The following BMPER variants were observed in gnomAD, a reference collection of about 807,000 sequenced individuals.
The protein encoded by BMPER is BMP binding endothelial regulator.
In BMPER, 45 loss-of-function variants were observed where a neutral mutation model predicts 87.3. The ratio of observed to expected loss-of-function variants is 0.52; its 90% CI spans 0.41 to 0.66. The LOEUF is 0.66. BMPER is among the 30% of genes least tolerant of loss of function. The pLI is 0.00. For missense variants in BMPER, 784 were observed against 867.5 expected (o/e 0.90, Z 1.21); for synonymous variants, 326 against 316.2 (o/e 1.03, Z -0.33).
In BMPER at chr7:34,143,322, G is replaced by A; in HGVS notation, c.1838G>A (p.Gly613Asp). 7 of 1,614,044 alleles carry A rather than the reference G, an allele frequency of 4.3e-6. No homozygotes were observed. The highest frequency in any genetic ancestry group is 5.1e-6 in the Non-Finnish European group (6 of 1,179,944). ...LAYTRACQRE[G>D]IKVHWEPQQN... ...TATACCCGGGCCTGCCAGAGAGAGG[G>A]CATCAAAGTCCACTGGGAGCCTCAG... Residue 613 changes from glycine to aspartate, a missense_variant, in exon 14 of 15, where the codon GGC becomes GAC. Transcript: ENST00000649409.
chr7:34,029,391 C>T (rs1787466067), intron 6 of BMPER, among the ~76,000 whole-genome samples: 1 of 152,076 alleles, frequency 6.6e-6, no homozygotes, highest in South Asian at 2.1e-4. Context: ...TCAGCAATCT[C>T]CACCCCTGCC....
rs542450607 is a variant in BMPER at position 33,905,761 on chromosome 7, G to A, written c.133+15G>A. The A allele has an allele frequency of 5.0e-5, 79 of 1,594,132 alleles. No homozygotes were observed. The highest frequency in any genetic ancestry group is 5.8e-5 in the Non-Finnish European group (68 of 1,165,292). ...CTTCTTGACAGGTAGGGGAGGGGGCGGGAGGGACCGGCCCTCCGGGACGCC... is the reference window on the plus strand; with the variant it reads ...CTTCTTGACAGGTAGGGGAGGGGGCAGGAGGGACCGGCCCTCCGGGACGCC... On this transcript the variant is annotated intron_variant, in intron 1 of 14. Coordinates refer to ENST00000649409, the MANE Select transcript of BMPER (RefSeq NM_001365308.1).
At position 34,028,601 on chromosome 7, in the gene BMPER, G is replaced by GTTTTTTTTTTTTTTTTTTTTT; in HGVS notation, c.577-17693_577-17673dup. Among the ~76,000 whole-genome samples, 90 of 36,068 alleles carry GTTTTTTTTTTTTTTTTTTTTT rather than the reference G, an allele frequency of 2.5e-3. 1 individual carries two copies. The highest frequency in any genetic ancestry group is 4.0e-3 in the Admixed American group (7 of 1,748). The allele number at this position is 36,068 out of a possible 152,430, so 23.7% of individuals were successfully genotyped here. A position where few individuals can be genotyped will look rare whatever the true frequency, so the allele number is the denominator to read the frequency against. On this transcript the variant is annotated intron_variant, in intron 6 of 14. Coordinates refer to ENST00000649409, the MANE Select transcript of BMPER (RefSeq NM_001365308.1). ...ACATACAGTCCAAATCATTTTTTCT[G>GTTTTTTTTTTTTTTTTTTTTT]TTTTTTTTTTTTTTTTTTTTTTTTT... is the stretch of plus-strand genomic sequence containing the variant.
At chr7:34,015,112 C>A (rs1786984881) in intron 6 of BMPER, among the ~76,000 whole-genome samples, 1 of 151,908 alleles carries the variant, frequency 6.6e-6, no homozygotes, top group Non-Finnish European at 1.5e-5. Flanking sequence ...GATTGAAATT[C>A]TTCTAGATAA....
At chr7:33,974,878 C>A in intron 6 of BMPER, 94 bp downstream of exon 6, 1 of 1,240,898 alleles carries the variant, frequency 8.1e-7, no homozygotes. Flanking sequence ...GCCTCTCTCT[C>A]GTCTCCTCTC....
intron 6 of BMPER, among the ~76,000 whole-genome samples, chr7:34,035,562 T>C (rs772917265): frequency 1.3e-5 from 2 of 152,228 alleles, no homozygotes; most frequent in Non-Finnish European, 2.9e-5. Flanking sequence ...ATATCTTAAT[T>C]AAGAGTCATT....
chr7:34,022,227 T>C (rs558639198), intron 6 of BMPER, among the ~76,000 whole-genome samples: 1 of 152,104 alleles, frequency 6.6e-6, no homozygotes, highest in East Asian at 1.9e-4. Context: ...ACTAAAACGA[T>C]TCCCACTTAG....
intron 6 of BMPER, among the ~76,000 whole-genome samples, chr7:33,977,827 C>T (rs912294576): frequency 5.3e-5 from 8 of 152,166 alleles, no homozygotes; most frequent in Admixed American, 4.6e-4. Context: ...ACACATTTCT[C>T]AGATACTTCT....
intron 6 of BMPER, among the ~76,000 whole-genome samples, chr7:34,019,735 G>A (rs1207457604): frequency 1.3e-5 from 2 of 151,962 alleles, no homozygotes; most frequent in South Asian, 2.1e-4. Context: ...ACGTGGCTCC[G>A]GCTTCACCGA....
upstream of BMPER, chr7:33,905,276 G>A: frequency 2.5e-6 from 1 of 403,390 alleles, no homozygotes. Context: ...GTCTATCTCC[G>A]GCTGCCGCAA....
intron 6 of BMPER, among the ~76,000 whole-genome samples, chr7:33,986,086 C>T (rs1039796368): frequency 7.2e-5 from 11 of 152,214 alleles, no homozygotes; most frequent in Non-Finnish European, 1.5e-4. Context: ...CTAACTCCTT[C>T]GTTTTGAGAT....
chr7:33,999,969 G>C (rs1258392452), intron 6 of BMPER, among the ~76,000 whole-genome samples: 1 of 152,184 alleles, frequency 6.6e-6, no homozygotes, highest in Non-Finnish European at 1.5e-5. Flanking sequence ...GCCATAACCA[G>C]AGCCTAATGA....
intron 13 of BMPER, among the ~76,000 whole-genome samples, chr7:34,112,445 G>A (rs1789995237): frequency 7.1e-6 from 1 of 141,224 alleles, no homozygotes; most frequent in Non-Finnish European, 1.5e-5. Flanking sequence ...GCAGTGAGCC[G>A]AGAGACGCCA....
At chr7:34,109,203 A>G (rs1789898488) in intron 13 of BMPER, among the ~76,000 whole-genome samples, 1 of 152,190 alleles carries the variant, frequency 6.6e-6, no homozygotes. Flanking sequence ...TGCAAGACCC[A>G]GGGAGAGCTG....
chr7:33,961,723 A>G (rs990753078), intron 3 of BMPER, among the ~76,000 whole-genome samples: 6 of 152,174 alleles, frequency 3.9e-5, no homozygotes, highest in African/African-American at 1.4e-4. Flanking sequence ...CTGTAGCGCA[A>G]GAGAGTAAAG....
chr7:34,078,698 T>G (rs2127973732), intron 11 of BMPER, among the ~76,000 whole-genome samples, 159 bp from the exon 12 acceptor site: 1 of 152,288 alleles, frequency 6.6e-6, no homozygotes, highest in East Asian at 1.9e-4. Context: ...TTCTGTGAGG[T>G]TTGACACGAA....
intron 12 of BMPER, among the ~76,000 whole-genome samples, chr7:34,083,261 C>T (rs1789103250): frequency 1.3e-5 from 2 of 152,198 alleles, no homozygotes; most frequent in Non-Finnish European, 2.9e-5. Context: ...ATGGTCTTCT[C>T]ACAGAGATCC....
At chr7:34,047,275 GT>G (rs1358945667) in intron 7 of BMPER, among the ~76,000 whole-genome samples, 1 of 151,630 alleles carries the variant, frequency 6.6e-6, no homozygotes, top group Non-Finnish European at 1.5e-5. Flanking sequence ...CTTCTTTTTT[GT>G]TTTTTTATTT....
intron 2 of BMPER, among the ~76,000 whole-genome samples, chr7:33,928,901 G>A (rs28714443): frequency 0.077 from 11,782 of 152,062 alleles, 1,392 homozygotes; most frequent in African/African-American, 0.26. Flanking sequence ...GGGGATATGG[G>A]TACTAAAAGA....
Sources: gnomAD v4.1 joint callset for allele counts (sites outside exome capture counted in the v4.1 genomes callset) on GRCh38, gnomAD v4.1.1 for gene constraint, MANE v1.5 for transcripts, NCBI Gene and HGNC (gene_info 2026-07-23, HGNC 2026-07-21) for gene names.